Variants in B3GAT2 observed in about 807,000 individuals in gnomAD.
The protein encoded by B3GAT2 is beta-1,3-glucuronyltransferase 2.
B3GAT2 carries 26 observed loss-of-function variants against 27.8 expected under a neutral mutation model. The observed-to-expected ratio is 0.93, with a 90% CI of 0.68 to 1.30. The LOEUF (loss-of-function observed/expected upper bound fraction) is 1.30. Ranked by LOEUF, B3GAT2 falls within the 50% of genes most tolerant of loss-of-function variation. The probability of loss-of-function intolerance (pLI) is 0.00; values close to 1 mark genes in which losing one functional copy is unlikely to be tolerated. For synonymous variants in B3GAT2, 218 were observed against 195.1 expected (o/e 1.12, Z -0.98); for missense variants, 458 against 459.0 (o/e 1.00, Z 0.02).
chr6:70,897,605 G>A (rs1218314300), intron 1 of B3GAT2, among the ~76,000 whole-genome samples: 1 of 150,370 alleles, frequency 6.7e-6, no homozygotes, highest in African/African-American at 2.5e-5. Flanking sequence ...CAGGTGTGGT[G>A]GGGAACACCT....
chr6:70,888,076 G>A (rs1405187717), intron 2 of B3GAT2, among the ~76,000 whole-genome samples: 2 of 152,194 alleles, frequency 1.3e-5, no homozygotes, highest in African/African-American at 2.4e-5. Context: ...GCTTCGAGGT[G>A]GAGTGGACAC....
intron 2 of B3GAT2, among the ~76,000 whole-genome samples, chr6:70,862,470 C>A (rs1771773835): frequency 6.6e-6 from 1 of 152,058 alleles, no homozygotes; most frequent in South Asian, 2.1e-4. Flanking sequence ...GAGGGAGCAA[C>A]AGAAGTAAAG....
intron 1 of B3GAT2, among the ~76,000 whole-genome samples, chr6:70,934,408 C>T (rs1168836819): frequency 6.8e-6 from 1 of 147,934 alleles, no homozygotes. Flanking sequence ...TCACAAAGGG[C>T]CTGACTGCTC....
Position 70,861,621 on chromosome 6 carries a change from G to T in B3GAT2, c.*42C>A. 6.4e-7 allele frequency: 1 copy of T among 1,562,850 alleles called. No homozygotes were observed. Among genetic ancestry groups the T allele is most frequent in the South Asian group, 1.1e-5 (1 of 88,728 alleles). ...AAACTCCAAACATCCTCTTCCATAT[G>T]GATCCACTGGCTGGACAAACTGCAC... On this transcript the variant is annotated 3_prime_UTR_variant, in exon 4 of 4. Coordinates refer to ENST00000230053, the MANE Select transcript of B3GAT2 (RefSeq NM_080742.3).
rs1351684850 is a variant in B3GAT2, at chr6:70,955,976, C to A, written c.454G>T (p.Gly152Trp). 1.4e-6 allele frequency: 2 copies of A among 1,469,356 alleles called. No homozygotes were observed. The highest frequency in any genetic ancestry group is 1.8e-6 in the Non-Finnish European group (2 of 1,118,722). The allele number at this position is 1,469,356 out of a possible 1,614,324, so 91.0% of individuals were successfully genotyped here. Residue 152 changes from glycine to tryptophan, a missense_variant, in exon 1 of 4, where the codon GGG (glycine) becomes TGG (tryptophan). Coordinates refer to ENST00000230053, the MANE Select transcript of B3GAT2 (RefSeq NM_080742.3). ...CGCTGCTCAGTGGCGCGCGGCAGCC[C>A]GGGCCGCTTGTAGCGCCGCGGCGTG... ...VPTPRRYKRPGLPRATEQRNA... is the reference protein window; with the variant it reads ...VPTPRRYKRPWLPRATEQRNA...
At position 70,944,435 on chromosome 6, in the gene B3GAT2, G is replaced by GCTTGGAGGGTCCTA. The variant is rs1554218000; in HGVS notation, c.591+11403_591+11404insTAGGACCCTCCAAG. 4.8e-3 allele frequency among the ~76,000 whole-genome samples: 721 copies of GCTTGGAGGGTCCTA among 151,682 alleles called. 16 individuals are homozygous for GCTTGGAGGGTCCTA. In the East Asian group the frequency reaches 0.085, roughly 18 times the overall value. Reference sequence around the variant, plus strand: ...ACCAGGAGATTATATCCCACACATGGCGCCCACGGAGTCTCGCTGATTGCT... The same window carrying GCTTGGAGGGTCCTA: ...ACCAGGAGATTATATCCCACACATGGCTTGGAGGGTCCTACGCCCACGGAGTCTCGCTGATTGCT... On this transcript the variant is annotated intron_variant, in intron 1 of 3. Coordinates refer to ENST00000230053, the MANE Select transcript of B3GAT2 (RefSeq NM_080742.3).
At chr6:70,888,622 T>C (rs944694612) in intron 2 of B3GAT2, among the ~76,000 whole-genome samples, 1 of 152,154 alleles carries the variant, frequency 6.6e-6, no homozygotes, top group Non-Finnish European at 1.5e-5. Context: ...TGCCAACATG[T>C]GGTTCTCAAA....
intron 1 of B3GAT2, among the ~76,000 whole-genome samples, chr6:70,897,233 A>T (rs1253368110): frequency 7.0e-6 from 1 of 141,952 alleles, no homozygotes; most frequent in Middle Eastern, 3.4e-3. Context: ...CATTCAAAAA[A>T]AAAAAGGTTT....
At chr6:70,928,703 C>T (rs181391752) in intron 1 of B3GAT2, among the ~76,000 whole-genome samples, 1 of 152,230 alleles carries the variant, frequency 6.6e-6, no homozygotes, top group African/African-American at 2.4e-5. Flanking sequence ...AATAGTGTAC[C>T]AAGCAAGAAA....
At chr6:70,892,047 AATT>A (rs1389073651) in intron 2 of B3GAT2, among the ~76,000 whole-genome samples, 1 of 152,196 alleles carries the variant, frequency 6.6e-6, no homozygotes, top group Non-Finnish European at 1.5e-5. Flanking sequence ...AAGTGAAAAA[AATT>A]ATTTAGTGTG....
chr6:70,925,087 G>A (rs1020503803), intron 1 of B3GAT2, among the ~76,000 whole-genome samples: 5 of 152,210 alleles, frequency 3.3e-5, no homozygotes, highest in African/African-American at 9.6e-5. Context: ...CCACACCTCT[G>A]TGATTGCACC....
In B3GAT2 at chr6:70,861,817, G is replaced by A. The variant is rs376377678; in HGVS notation, c.885+13C>T. On this transcript the variant is annotated intron_variant, in intron 3 of 3. Coordinates refer to ENST00000230053, the MANE Select transcript of B3GAT2 (RefSeq NM_080742.3). ...TGACACTCGAGGTCGGGCAGCACAAGTGTAATGAATACCTTAGTGCAGTTA... is the reference window on the plus strand; with the variant it reads ...TGACACTCGAGGTCGGGCAGCACAAATGTAATGAATACCTTAGTGCAGTTA... 27 of 1,613,944 alleles carry A rather than the reference G, an allele frequency of 1.7e-5. No homozygotes were observed. In the African/African-American group the frequency reaches 3.3e-4, roughly 20 times the overall value.
intron 2 of B3GAT2, among the ~76,000 whole-genome samples, chr6:70,883,587 T>G (rs759746178): frequency 1.3e-5 from 2 of 152,124 alleles, no homozygotes; most frequent in African/African-American, 4.8e-5. Context: ...TCAGGAGTTA[T>G]TGTTTAGTGA....
At chr6:70,881,792 C>G (rs1772102743) in intron 2 of B3GAT2, among the ~76,000 whole-genome samples, 1 of 152,166 alleles carries the variant, frequency 6.6e-6, no homozygotes, top group Non-Finnish European at 1.5e-5. Flanking sequence ...ATAGGGGTGT[C>G]CAGGGGCTCC....
At chr6:70,886,560 G>A (rs591733) in intron 2 of B3GAT2, among the ~76,000 whole-genome samples, 5 of 151,786 alleles carry the variant, frequency 3.3e-5, no homozygotes, top group Admixed American at 6.6e-5. Flanking sequence ...CTGGAAACCC[G>A]TCTCCCCACT....
rs59066944 is a variant in B3GAT2, at chr6:70,895,495, ATTTTTTTT to A, written c.592-1231_592-1224del. 9.1e-5 allele frequency among the ~76,000 whole-genome samples: 7 copies of A among 76,614 alleles called. No individual in the cohort carries two copies. In the East Asian group the frequency reaches 1.7e-3, roughly 19 times the overall value. The allele number at this position is 76,614 out of a possible 152,430, so 50.3% of individuals were successfully genotyped here. ...TATCCTACCTTGTTCCAAAAAGGGGATTTTTTTTTTTTTTTTTTTTTTTTTTTGGAGTC... is the reference window on the plus strand; with the variant it reads ...TATCCTACCTTGTTCCAAAAAGGGGATTTTTTTTTTTTTTTTTTTGGAGTC... On this transcript the variant is annotated intron_variant, in intron 1 of 3. Coordinates refer to ENST00000230053, the MANE Select transcript of B3GAT2 (RefSeq NM_080742.3).
Position 70,917,497 on chromosome 6 carries a change from G to A in B3GAT2, c.592-23225C>T, listed in dbSNP as rs190015784. ...TTTATAATTGCAATGTTAGGGTGTC[G>A]ATTTTAGATCTTTCCTGTTTTCTCC... On this transcript the variant is annotated intron_variant, in intron 1 of 3. Coordinates refer to ENST00000230053, the MANE Select transcript of B3GAT2 (RefSeq NM_080742.3). Among the ~76,000 whole-genome samples the A allele has an allele frequency of 5.1e-3, 775 of 151,996 alleles. 9 individuals carry two copies. Among genetic ancestry groups the A allele is most frequent in the African/African-American group, 0.016 (678 of 41,480 alleles).
rs1223504375 is a variant in B3GAT2, at chr6:70,858,873, A to AT, written c.*2789dup. 1 of 153,262 alleles carries AT rather than the reference A, an allele frequency of 6.5e-6. No individual in the cohort carries two copies. The highest frequency in any genetic ancestry group is 2.4e-5 in the African/African-American group (1 of 41,474). The allele number at this position is 153,262 out of a possible 1,614,324, so 9.5% of individuals were successfully genotyped here. A position where few individuals can be genotyped will look rare whatever the true frequency, so the allele number is the denominator to read the frequency against. ...AATTCCCATAAGGTGTGAACCAGAC[A>AT]TCCCCTCATATTATAAAATCCTATT... On this transcript the variant is annotated 3_prime_UTR_variant, in exon 4 of 4. Transcript: ENST00000230053.
chr6:70,885,294 C>A (rs1482177311), intron 2 of B3GAT2, among the ~76,000 whole-genome samples: 1 of 152,070 alleles, frequency 6.6e-6, no homozygotes, highest in African/African-American at 2.4e-5. Flanking sequence ...CAGGGGCAAG[C>A]GGCACTCACA....
Sources: gnomAD v4.1 joint callset for allele counts (sites outside exome capture counted in the v4.1 genomes callset) on GRCh38, gnomAD v4.1.1 for gene constraint, MANE v1.5 for transcripts, NCBI Gene and HGNC (gene_info 2026-07-23, HGNC 2026-07-21) for gene names.